The following ST6GALNAC3 variants were observed in gnomAD, a reference collection of about 807,000 sequenced individuals.
ST6GALNAC3 encodes alpha-N-acetylgalactosaminide alpha-2,6-sialyltransferase 3.
ST6GALNAC3 carries 25 observed loss-of-function variants against 32.7 expected under a neutral mutation model. That is an observed-to-expected ratio of 0.76 (90% CI 0.56 to 1.07). The LOEUF is 1.07. Ranked by LOEUF, ST6GALNAC3 falls within the 50% of genes least tolerant of loss-of-function variation. ST6GALNAC3 has a pLI of 0.00. For missense variants in ST6GALNAC3, 355 were observed against 382.4 expected (o/e 0.93, Z 0.60); for synonymous variants, 129 against 133.1 (o/e 0.97, Z 0.21).
intron 2 of ST6GALNAC3, among the ~76,000 whole-genome samples, chr1:76,403,063 G>A (rs968514379): frequency 6.6e-6 from 1 of 151,866 alleles, no homozygotes; most frequent in African/African-American, 2.4e-5. Context: ...AAAAAAATCT[G>A]TATTGAGTGA....
At chr1:76,379,828 A>T (rs551017574) in intron 2 of ST6GALNAC3, among the ~76,000 whole-genome samples, 13 of 152,112 alleles carry the variant, frequency 8.5e-5, no homozygotes, top group Admixed American at 2.6e-4. Context: ...AAGCAAACAA[A>T]CAAACAAGCC....
At chr1:76,321,782 C>T (rs1447468360) in intron 2 of ST6GALNAC3, among the ~76,000 whole-genome samples, 1 of 152,076 alleles carries the variant, frequency 6.6e-6, no homozygotes, top group African/African-American at 2.4e-5. Context: ...GGTTATAATG[C>T]CAGAAAATGG....
chr1:76,532,115 T>C, intron 3 of ST6GALNAC3, among the ~76,000 whole-genome samples: 1 of 152,186 alleles, frequency 6.6e-6, no homozygotes, highest in East Asian at 1.9e-4. Flanking sequence ...GCATTGCTTC[T>C]TTTTCCTCTC....
chr1:76,371,492 A>G (rs1269250560), intron 2 of ST6GALNAC3, among the ~76,000 whole-genome samples: 1 of 152,186 alleles, frequency 6.6e-6, no homozygotes, highest in Non-Finnish European at 1.5e-5. Context: ...AATGCAGGAT[A>G]TGTTGGAGAC....
At chr1:76,591,541 A>G (rs1458080389) in intron 3 of ST6GALNAC3, among the ~76,000 whole-genome samples, 1 of 152,152 alleles carries the variant, frequency 6.6e-6, no homozygotes, top group Non-Finnish European at 1.5e-5. Flanking sequence ...ATATTTATAT[A>G]TTTATCAGGC....
chr1:76,544,822 A>G (rs557423175), intron 3 of ST6GALNAC3, among the ~76,000 whole-genome samples: 9 of 152,356 alleles, frequency 5.9e-5, no homozygotes, highest in Admixed American at 2.6e-4. Context: ...CACAGGAATA[A>G]GCATGATGGA....
intron 1 of ST6GALNAC3, among the ~76,000 whole-genome samples, chr1:76,164,733 A>AATC (rs779894512): frequency 3.5e-4 from 54 of 152,308 alleles, no homozygotes; most frequent in Non-Finnish European, 6.2e-4. Flanking sequence ...TTGCTATCAT[A>AATC]ATCTTAAAGA....
intron 3 of ST6GALNAC3, among the ~76,000 whole-genome samples, chr1:76,457,360 A>G (rs1385841874): frequency 2.0e-5 from 3 of 152,060 alleles, no homozygotes; most frequent in East Asian, 3.9e-4. Context: ...CTACTTTAAA[A>G]TTCATATGGA....
intron 2 of ST6GALNAC3, among the ~76,000 whole-genome samples, chr1:76,387,180 C>A (rs1571053611): frequency 6.6e-6 from 1 of 152,038 alleles, no homozygotes; most frequent in East Asian, 1.9e-4. Context: ...AGTCAATAAC[C>A]AAACCCTTTA....
At chr1:76,358,293 A>G (rs140247743) in intron 2 of ST6GALNAC3, among the ~76,000 whole-genome samples, 9 of 152,302 alleles carry the variant, frequency 5.9e-5, no homozygotes, top group African/African-American at 2.2e-4. Context: ...AGAACTTCCA[A>G]CTACCAACTC....
intron 1 of ST6GALNAC3, among the ~76,000 whole-genome samples, chr1:76,269,641 A>C (rs993559912): frequency 1.3e-5 from 2 of 152,370 alleles, no homozygotes; most frequent in Admixed American, 1.3e-4. Context: ...GTAGGTATCC[A>C]GTTATAATGG....
chr1:76,195,045 A>C (rs1355325961), intron 1 of ST6GALNAC3, among the ~76,000 whole-genome samples: 1 of 151,992 alleles, frequency 6.6e-6, no homozygotes, highest in Non-Finnish European at 1.5e-5. Flanking sequence ...TAATATTACC[A>C]CTCAAATATC....
At chr1:76,463,558 T>C (rs1320586066) in intron 3 of ST6GALNAC3, among the ~76,000 whole-genome samples, 1 of 152,186 alleles carries the variant, frequency 6.6e-6, no homozygotes, top group African/African-American at 2.4e-5. Context: ...CAAGCAATAC[T>C]GCATTTCCTG....
intron 1 of ST6GALNAC3, among the ~76,000 whole-genome samples, chr1:76,193,235 G>A (rs1654003624): frequency 1.3e-5 from 2 of 152,024 alleles, no homozygotes; most frequent in South Asian, 4.1e-4. Flanking sequence ...CTTCCTTCAT[G>A]TGTAGCCACC....
At chr1:76,346,855 A>G (rs2101009783) in intron 2 of ST6GALNAC3, among the ~76,000 whole-genome samples, 1 of 152,354 alleles carries the variant, frequency 6.6e-6, no homozygotes, top group Non-Finnish European at 1.5e-5. Flanking sequence ...TCCCTGGCTC[A>G]TGTAAATATT....
intron 2 of ST6GALNAC3, among the ~76,000 whole-genome samples, chr1:76,347,844 A>G (rs946451387): frequency 6.6e-6 from 1 of 152,162 alleles, no homozygotes; most frequent in Non-Finnish European, 1.5e-5. Flanking sequence ...CTCAGAGAAT[A>G]TTTTGAGGAG....
intron 2 of ST6GALNAC3, among the ~76,000 whole-genome samples, chr1:76,338,222 C>A (rs1647665450): frequency 6.6e-6 from 1 of 152,040 alleles, no homozygotes; most frequent in South Asian, 2.1e-4. Context: ...GAGGTTTTTG[C>A]TGATAAATAT....
intron 1 of ST6GALNAC3, among the ~76,000 whole-genome samples, chr1:76,220,188 A>C (rs540249771): frequency 1.3e-5 from 2 of 152,330 alleles, no homozygotes; most frequent in South Asian, 4.1e-4. Context: ...ATGAAGACAG[A>C]ATAAACTTTC....
At chr1:76,284,695 T>G (rs1028877011) in intron 1 of ST6GALNAC3, among the ~76,000 whole-genome samples, 12 of 152,086 alleles carry the variant, frequency 7.9e-5, no homozygotes, top group African/African-American at 2.9e-4. Context: ...ATATCAAACC[T>G]GAAACGATCT....
Sources: allele counts gnomAD v4.1 joint callset (sites outside exome capture counted in the v4.1 genomes callset), GRCh38; gene constraint gnomAD v4.1.1; transcripts MANE v1.5; gene names NCBI Gene and HGNC (gene_info 2026-07-23, HGNC 2026-07-21).